The following CDC14A variants were observed in gnomAD, a reference collection of about 807,000 sequenced individuals.
The protein encoded by CDC14A is cell division cycle 14A.
Under a neutral mutation model 74.4 loss-of-function variants are expected in CDC14A, and 53 were observed. That is an observed-to-expected ratio of 0.71 (90% CI 0.57 to 0.89). The LOEUF is 0.89. CDC14A is among the 40% of genes least tolerant of loss of function. CDC14A has a pLI of 0.00. For synonymous variants in CDC14A, 247 were observed against 258.4 expected (o/e 0.96, Z 0.43); for missense variants, 646 against 713.7 (o/e 0.91, Z 1.08).
chr1:100,353,786 G>A lies in CDC14A; in HGVS notation c.74G>A (p.Arg25Lys), dbSNP rs1213867797. 2 of 1,603,852 alleles carry A rather than the reference G, an allele frequency of 1.2e-6. No homozygotes were observed. The highest frequency in any genetic ancestry group is 3.4e-5 in the Admixed American group (2 of 59,616). Reference protein sequence around the residue: ...MKDRLYFATLRNRPKSTVNTH... With the variant: ...MKDRLYFATLKNRPKSTVNTH... ...GATCGGTTATATTTTGCTACTTTAAGGAATAGACCAAAAAGCACAGTAAAT... is the reference window on the plus strand; with the variant it reads ...GATCGGTTATATTTTGCTACTTTAAAGAATAGACCAAAAAGCACAGTAAAT... The change falls in exon 2 of 16, where the codon AGG becomes AAG. Residue 25 changes from arginine to lysine, a missense_variant. Physicochemically the swap from Arg to Lys is conservative, Grantham distance 26. Coordinates refer to ENST00000336454, the MANE Select transcript of CDC14A (RefSeq NM_003672.4).
chr1:100,355,765 C>T (rs187716381), intron 2 of CDC14A, among the ~76,000 whole-genome samples: 70 of 152,222 alleles, frequency 4.6e-4, no homozygotes, highest in African/African-American at 1.6e-3. Flanking sequence ...CTAGGTGATG[C>T]AGAGAATAAA....
At chr1:100,418,416 T>C (rs1279874488) in intron 4 of CDC14A, among the ~76,000 whole-genome samples, 6 of 152,192 alleles carry the variant, frequency 3.9e-5, no homozygotes, top group Non-Finnish European at 8.8e-5. Context: ...ACCAGAGATA[T>C]CAGGTATGTT....
chr1:100,411,469 C>CCTT (rs1384093566), intron 4 of CDC14A, among the ~76,000 whole-genome samples: 3 of 151,904 alleles, frequency 2.0e-5, no homozygotes, highest in African/African-American at 7.3e-5. Flanking sequence ...GTTTGTTTTT[C>CCTT]CTTCCTTTTC....
At chr1:100,491,963 G>A (rs1670750414) in intron 11 of CDC14A, among the ~76,000 whole-genome samples, 2 of 151,546 alleles carry the variant, frequency 1.3e-5, no homozygotes, top group Non-Finnish European at 2.9e-5. Flanking sequence ...AGTGGCCCGC[G>A]AGGCTCATCA....
At chr1:100,494,780 A>G in intron 11 of CDC14A, 38 bp from the exon 12 acceptor site, 1 of 1,238,088 alleles carries the variant, frequency 8.1e-7, no homozygotes, top group East Asian at 2.3e-5. Context: ...TATAAAGCCA[A>G]ATTTTGACCT....
chr1:100,355,937 C>G (rs524219), intron 2 of CDC14A, among the ~76,000 whole-genome samples: 143,786 of 152,276 alleles, frequency 0.94, 67,979 homozygotes, highest in African/African-American at 0.98. Context: ...CTGGTGGAAG[C>G]GTTCAGCAAA....
At position 100,498,941 on chromosome 1, in the gene CDC14A, C is replaced by T. The variant is rs145305805; in HGVS notation, c.1434C>T (p.Asn478=). The T allele has an allele frequency of 3.9e-5, 63 of 1,610,330 alleles. No individual in the cohort carries two copies. Among genetic ancestry groups the T allele is most frequent in the Non-Finnish European group, 4.7e-5 (55 of 1,177,616 alleles). The change falls in exon 15 of 16, where the codon AAC becomes AAT. Residue 478 remains asparagine, a synonymous_variant. Coordinates refer to ENST00000336454, the MANE Select transcript of CDC14A (RefSeq NM_003672.4). The part of the protein sequence containing the change: ...SGATVRSFSI[N]SRLASSLGNL... The stretch of plus-strand genomic sequence containing the variant: ...GTTTTCCATTCAGCTTTTCCATAAA[C>T]TCCCGGCTAGCCAGTTCTCTAGGGA...
chr1:100,501,225 C>G (rs888299494), intron 15 of CDC14A, among the ~76,000 whole-genome samples: 10 of 152,116 alleles, frequency 6.6e-5, no homozygotes, highest in African/African-American at 2.4e-4. Flanking sequence ...ATATACTTTC[C>G]AGCAGGCATT....
chr1:100,391,398 C>G (rs569725011), intron 4 of CDC14A, among the ~76,000 whole-genome samples: 13 of 152,282 alleles, frequency 8.5e-5, no homozygotes, highest in Non-Finnish European at 1.9e-4. Context: ...TCTGCAGACA[C>G]TAACATGTCA....
chr1:100,481,443 C>T (rs760830502), intron 10 of CDC14A, among the ~76,000 whole-genome samples: 3 of 152,040 alleles, frequency 2.0e-5, no homozygotes, highest in African/African-American at 4.8e-5. Flanking sequence ...GTTCTGGACT[C>T]AGAACTAGGA....
intron 8 of CDC14A, among the ~76,000 whole-genome samples, chr1:100,460,863 G>A (rs867136917): frequency 2.1e-4 from 32 of 152,312 alleles, no homozygotes; most frequent in African/African-American, 6.7e-4. Context: ...CTGGCCAAGT[G>A]TACCAGTTAT....
chr1:100,501,783 C>T (rs548185840), intron 15 of CDC14A, among the ~76,000 whole-genome samples: 1 of 152,142 alleles, frequency 6.6e-6, no homozygotes, highest in East Asian at 1.9e-4. Context: ...TCCAGTGGGA[C>T]AAGATGTGGA....
intron 3 of CDC14A, among the ~76,000 whole-genome samples, chr1:100,389,485 A>G (rs1413533872): frequency 6.6e-6 from 1 of 151,496 alleles, no homozygotes; most frequent in Non-Finnish European, 1.5e-5. Context: ...GTGTATATAT[A>G]TATATGATTT....
chr1:100,391,069 A>G (rs943530623), intron 4 of CDC14A: 1 of 491,228 alleles, frequency 2.0e-6, no homozygotes, highest in Non-Finnish European at 3.7e-6. Context: ...TTCCACAGTT[A>G]TATAGGTATT....
At chr1:100,454,061 A>G (rs888563203) in intron 7 of CDC14A, among the ~76,000 whole-genome samples, 7 of 152,250 alleles carry the variant, frequency 4.6e-5, no homozygotes, top group Non-Finnish European at 1.0e-4. Context: ...AAAAATGACA[A>G]TTATATTTTA....
intron 8 of CDC14A, 150 bp downstream of exon 8, chr1:100,455,642 TTAAA>T (rs1289360041): frequency 5.2e-6 from 3 of 581,586 alleles, no homozygotes; most frequent in Admixed American, 3.6e-5. Context: ...TAATAGTGTG[TTAAA>T]TATTGTATTT....
rs72972085 is a variant in CDC14A, at chr1:100,397,386, C to T, written c.309+6562C>T. Among the ~76,000 whole-genome samples, 1,074 of 152,256 alleles carry T rather than the reference C, an allele frequency of 7.1e-3. 14 individuals carry two copies. Among genetic ancestry groups the T allele is most frequent in the African/African-American group, 0.025 (1,032 of 41,550 alleles). On this transcript the variant is annotated intron_variant, in intron 4 of 15. Transcript: ENST00000336454. ...TTCCCTTCCAGGGCAACACTCAGTG[C>T]AGTTTTGAAGTTAGGATGTTTAGAT...
At chr1:100,457,969 C>T (rs553241088) in intron 8 of CDC14A, among the ~76,000 whole-genome samples, 22 of 152,176 alleles carry the variant, frequency 1.4e-4, no homozygotes, top group South Asian at 6.2e-4. Context: ...TAAAAGGATA[C>T]GCAATTTTGT....
chr1:100,420,055 CACACACACAT>C (rs1436111903), intron 4 of CDC14A, among the ~76,000 whole-genome samples: 7 of 21,052 alleles, frequency 3.3e-4, no homozygotes, highest in African/African-American at 1.2e-3. Flanking sequence ...CACACACACA[CACACACACAT>C]ATATATATAT....
Sources: allele counts gnomAD v4.1 joint callset (sites outside exome capture counted in the v4.1 genomes callset), GRCh38; gene constraint gnomAD v4.1.1; transcripts MANE v1.5; gene names NCBI Gene and HGNC (gene_info 2026-07-23, HGNC 2026-07-21).